CAMSAP3: variants seen among roughly 807,000 people sequenced by gnomAD.
The protein encoded by CAMSAP3 is calmodulin regulated spectrin associated protein family member 3.
In CAMSAP3, 34 loss-of-function variants were observed where a neutral mutation model predicts 112.5. That is an observed-to-expected ratio of 0.30 (90% confidence interval 0.23 to 0.40). The LOEUF (loss-of-function observed/expected upper bound fraction) is 0.40, where lower values mean the gene tolerates loss of function less well. Ranked by LOEUF, CAMSAP3 falls within the 10% of genes least tolerant of loss-of-function variation. The pLI is 1.00. For missense variants in CAMSAP3, 1,602 were observed against 1,770.3 expected (o/e 0.90, Z 1.71); for synonymous variants, 868 against 799.8 (o/e 1.09, Z -1.44).
At chr19:7,603,382 T>C (rs2146160056) in intron 1 of CAMSAP3, among the ~76,000 whole-genome samples, 1 of 152,124 alleles carries the variant, frequency 6.6e-6, no homozygotes, top group African/African-American at 2.4e-5. Context: ...GCCCAGCTCA[T>C]TTTTGTATTT....
intron 1 of CAMSAP3, among the ~76,000 whole-genome samples, chr19:7,603,773 C>T (rs2030074234): frequency 6.6e-6 from 1 of 152,140 alleles, no homozygotes. Flanking sequence ...ATCCCTTGAG[C>T]CCAGAGTTCA....
At chr19:7,613,703 G>A (rs2030630115) in intron 11 of CAMSAP3, among the ~76,000 whole-genome samples, 1 of 151,938 alleles carries the variant, frequency 6.6e-6, no homozygotes. Context: ...GGTGGGTGAT[G>A]GACAGATAGA....
rs1441533120 is a variant in CAMSAP3, at chr19:7,615,828, G to T, written c.3112+109G>T. The T allele has an allele frequency of 1.8e-5, 12 of 676,160 alleles. No homozygotes were observed. In the Admixed American group the frequency reaches 4.5e-4, roughly 25 times the overall value. 41.9% of individuals were successfully genotyped at this position (676,160 alleles called of 1,614,324 possible). A position where few individuals can be genotyped will look rare whatever the true frequency, so the allele number is the denominator to read the frequency against. ...GGAGGGAGATGTAAGCAGGGGTGCC[G>T]GGAGGGGGCGGGTATGTGGGGTGAC... On this transcript the variant is annotated intron_variant, in intron 13 of 16. Transcript: ENST00000160298. This position sits in a 1 kb window ranked among gnomAD's most constrained non-coding sequence, Gnocchi z 6.5.
In CAMSAP3 at chr19:7,614,323, A is replaced by AT. The variant is rs368266059; in HGVS notation, c.2671-848dup. On this transcript the variant is annotated intron_variant, in intron 11 of 16. Transcript: ENST00000160298. Reference sequence around the variant, plus strand: ...AAGCCCTGGGGAGGACTTCCTTTTCATTTTTTTTTTTTGTTTTGTTTTCTT... The same window carrying AT: ...AAGCCCTGGGGAGGACTTCCTTTTCATTTTTTTTTTTTTGTTTTGTTTTCTT... Among the ~76,000 whole-genome samples, 758 of 113,972 alleles carry AT rather than the reference A, an allele frequency of 6.7e-3. 13 individuals carry two copies. Among genetic ancestry groups the AT allele is most frequent in the African/African-American group, 0.022 (642 of 29,464 alleles). The allele number at this position is 113,972 out of a possible 152,430, so 74.8% of individuals were successfully genotyped here.
chr19:7,605,631 C>G (rs2030174144), intron 2 of CAMSAP3, 152 bp downstream of exon 2: 1 of 932,972 alleles, frequency 1.1e-6, no homozygotes, highest in Non-Finnish European at 1.5e-6. Flanking sequence ...TCCCATCAGG[C>G]TTGGCTCCTC....
intron 11 of CAMSAP3, among the ~76,000 whole-genome samples, chr19:7,614,259 C>CAAAAAAAAAAAAAAAAAA (rs1173068955): frequency 8.5e-4 from 16 of 18,768 alleles, no homozygotes; most frequent in Non-Finnish European, 1.1e-3. Context: ...GACTCCATCT[C>CAAAAAAAAAAAAAAAAAA]AAAAAAAAAA....
intron 2 of CAMSAP3, 67 bp from the exon 3 acceptor site, chr19:7,606,204 G>A: frequency 7.4e-7 from 1 of 1,351,570 alleles, no homozygotes. Flanking sequence ...CTTTTCCCAG[G>A]CCCTTGGGGG....
At chr19:7,599,206 T>C (rs1283616918) in intron 1 of CAMSAP3, among the ~76,000 whole-genome samples, 15 of 140,980 alleles carry the variant, frequency 1.1e-4, no homozygotes, top group Middle Eastern at 4.0e-3. Context: ...CCCATCCATC[T>C]ACCCACTCAT....
rs1378305232 is a variant in CAMSAP3 at position 7,601,800 on chromosome 19, C to T, written c.149-3426C>T. 3.3e-5 allele frequency among the ~76,000 whole-genome samples: 5 copies of T among 151,840 alleles called. No homozygotes were observed. The East Asian group carries it at 7.7e-4, about 23-fold the overall frequency. On this transcript the variant is annotated intron_variant, in intron 1 of 16. Transcript: ENST00000160298. ...GAAAGTGGGGCCAGGTGTGGTGGCT[C>T]ATGCCTGTAATCCCAGCACTTTGGG... is the stretch of plus-strand genomic sequence containing the variant.
chr19:7,604,480 C>T (rs909933314), intron 1 of CAMSAP3, among the ~76,000 whole-genome samples: 5 of 152,144 alleles, frequency 3.3e-5, no homozygotes, highest in Non-Finnish European at 7.3e-5. Context: ...TCAGTCATTA[C>T]CCCTCTCTTC....
Position 7,606,524 on chromosome 19 carries a change from G to A in CAMSAP3, c.574G>A (p.Ala192Thr), listed in dbSNP as rs1298875810. ...GACCGAGCAGGAAGCGGCCCAGCGA[G>A]CCTCTCCAGCAGCCCCTGCAGACGG... ...EKTEQEAAQR[A>T]SPAAPADGAA... The change falls in exon 4 of 17, where the codon GCC becomes ACC. Residue 192 changes from alanine to threonine, a missense_variant. Physicochemically the swap from Ala to Thr is moderately conservative, Grantham distance 58 (BLOSUM62 0). This residue lies in a region of CAMSAP3 where 112 missense variants were observed against 94.2 expected (regional missense o/e 1.19). Coordinates refer to ENST00000160298, the MANE Select transcript of CAMSAP3 (RefSeq NM_020902.2). The A allele has an allele frequency of 5.8e-6, 9 of 1,558,888 alleles. No individual in the cohort carries two copies. In the East Asian group the frequency reaches 1.7e-4, roughly 29 times the overall value.
In CAMSAP3 at chr19:7,607,060, C is replaced by T. The variant is rs1389703433; in HGVS notation, c.621+489C>T. Among the ~76,000 whole-genome samples, 1 of 152,082 alleles carries T rather than the reference C, an allele frequency of 6.6e-6. No individual in the cohort carries two copies. Among genetic ancestry groups the T allele is most frequent in the Admixed American group, 6.5e-5 (1 of 15,278 alleles). ...ACTGATGGGTGGGGACGAACTTCCC[C>T]TCCCGTTATTCAGAAGGGCAAGCCC... On this transcript the variant is annotated intron_variant, in intron 4 of 16. Transcript: ENST00000160298. The surrounding 1 kb of genome is among the most constrained non-coding windows in gnomAD (Gnocchi z 4.9).
Position 7,596,019 on chromosome 19 carries a change from C to T in CAMSAP3, c.17C>T (p.Pro6Leu). The change falls in exon 1 of 17, where the codon CCC (proline) becomes CTC (leucine). Residue 6 changes from proline (P) to leucine (L), a missense_variant. Physicochemically the swap from Pro to Leu is moderately conservative, Grantham distance 98. Around this residue, in one of 6 missense-constraint regions of CAMSAP3, gnomAD observed 147 missense variants for 144.6 expected, o/e 1.02. Transcript: ENST00000160298. Reference protein sequence around the residue: MVEAAPPGPGPLRRTF... With the variant: MVEAALPGPGPLRRTF... ...GGCGCCGCCATGGTGGAGGCGGCGC[C>T]CCCCGGGCCCGGGCCGCTGCGGAGG... 1.7e-6 allele frequency: 2 copies of T among 1,164,156 alleles called. No homozygotes were observed. The highest frequency in any genetic ancestry group is 2.2e-6 in the Non-Finnish European group (2 of 927,726). 72.1% of individuals were successfully genotyped at this position (1,164,156 alleles called of 1,614,324 possible).
At position 7,615,166 on chromosome 19, in the gene CAMSAP3, TC is replaced by T. The variant is rs1221148003; in HGVS notation, c.2671-16del. The T allele has an allele frequency of 1.3e-6, 2 of 1,553,430 alleles. No individual in the cohort carries two copies. Among genetic ancestry groups the T allele is most frequent in the Non-Finnish European group, 8.7e-7 (1 of 1,148,872 alleles). On this transcript the variant is annotated splice_polypyrimidine_tract_variant and intron_variant, in intron 11 of 16. Transcript: ENST00000160298. This position sits in a 1 kb window ranked among gnomAD's most constrained non-coding sequence, Gnocchi z 6.5. The stretch of plus-strand genomic sequence containing the variant: ...TGGGGGAGGGGGTGGCTGGCTGGAC[TC>T]GGCGTCTGTCCCCAGGATGAAGACA...
chr19:7,604,854 C>T (rs933956521), intron 1 of CAMSAP3, among the ~76,000 whole-genome samples: 2 of 152,130 alleles, frequency 1.3e-5, no homozygotes, highest in Non-Finnish European at 2.9e-5. Flanking sequence ...AGCAGGAAGG[C>T]TCTTAGGATT....
At chr19:7,608,095 G>T in intron 4 of CAMSAP3, 31 bp from the exon 5 acceptor site, 1 of 1,598,456 alleles carries the variant, frequency 6.3e-7, no homozygotes. Context: ...GGCCAGCCTG[G>T]CCACTCACCT....
intron 1 of CAMSAP3, among the ~76,000 whole-genome samples, chr19:7,599,045 C>G (rs1028376633): frequency 6.6e-6 from 1 of 150,926 alleles, no homozygotes; most frequent in African/African-American, 2.4e-5. Flanking sequence ...GTGGCATGGG[C>G]TTGTAGTCCC....
chr19:7,606,242 G>T (rs369981897), intron 2 of CAMSAP3, 29 bp from the exon 3 acceptor site: 4 of 1,582,570 alleles, frequency 2.5e-6, no homozygotes, highest in Admixed American at 1.7e-5. Context: ...CAGCTCTCAG[G>T]TCTCACCCTC....
At chr19:7,599,418 AT>A in intron 1 of CAMSAP3, among the ~76,000 whole-genome samples, 1 of 123,308 alleles carries the variant, frequency 8.1e-6, no homozygotes. Flanking sequence ...TCATCCATCC[AT>A]CCATCCACCC....
Sources: gnomAD v4.1 joint callset for allele counts (sites outside exome capture counted in the v4.1 genomes callset) on GRCh38, gnomAD v4.1.1 for gene constraint, gnomAD v4.1.1 regional missense constraint, Gnocchi (gnomAD v3.1) non-coding constraint, MANE v1.5 for transcripts, NCBI Gene and HGNC (gene_info 2026-07-23, HGNC 2026-07-21) for gene names.